UGT1A7: variants seen among roughly 807,000 people sequenced by gnomAD.
UGT1A7 encodes the protein UDP-glucuronosyltransferase 1A7.
UGT1A7 carries 33 observed loss-of-function variants against 45.6 expected under a neutral mutation model. The observed-to-expected ratio is 0.72, with a 90% CI of 0.55 to 0.97. UGT1A7 has a LOEUF of 0.97. Ranked by LOEUF, UGT1A7 falls within the 50% of genes least tolerant of loss-of-function variation. UGT1A7 has a pLI of 0.00. For missense variants in UGT1A7, 684 were observed against 666.2 expected (o/e 1.03, Z -0.29); for synonymous variants, 274 against 250.6 (o/e 1.09, Z -0.88).
chr2:233,760,775 A>G, intron 1 of UGT1A7: 2 of 1,613,738 alleles, frequency 1.2e-6, no homozygotes, highest in Non-Finnish European at 1.7e-6. Context: ...GTGGCCCAGT[A>G]CCTGTCTCTG....
In UGT1A7 at chr2:233,755,308, G is replaced by A. The variant is rs1306203724; in HGVS notation, c.856-11726G>A. The A allele has an allele frequency of 1.8e-5, 10 of 564,374 alleles. No individual in the cohort carries two copies. The Admixed American group carries it at 2.0e-4, about 11-fold the overall frequency. The allele number at this position is 564,374 out of a possible 1,614,324, so 35.0% of individuals were successfully genotyped here. A position where few individuals can be genotyped will look rare whatever the true frequency, so the allele number is the denominator to read the frequency against. On this transcript the variant is annotated intron_variant, in intron 1 of 4. Coordinates refer to ENST00000373426, the MANE Select transcript of UGT1A7 (RefSeq NM_019077.3). ...AGAGCCTGCGGGGCACTGGCACAGCGAGCGGCAAGGCTGCCAGCACCCGCG... is the reference window on the plus strand; with the variant it reads ...AGAGCCTGCGGGGCACTGGCACAGCAAGCGGCAAGGCTGCCAGCACCCGCG...
intron 1 of UGT1A7, chr2:233,750,763 G>T (rs1694554656): frequency 6.6e-6 from 1 of 152,010 alleles, no homozygotes; most frequent in East Asian, 1.9e-4. Context: ...CATCGATGTG[G>T]TGTTGGGCCT....
intron 1 of UGT1A7, chr2:233,719,813 A>C: frequency 6.3e-7 from 1 of 1,586,286 alleles, no homozygotes; most frequent in Non-Finnish European, 8.6e-7. Context: ...TCTTTATAAC[A>C]GATAAACTGT....
In UGT1A7 at chr2:233,681,999, G is replaced by A. The variant is rs2074549266; in HGVS notation, c.62G>A (p.Gly21Asp). 6.2e-7 allele frequency: 1 copy of A among 1,614,050 alleles called. No individual in the cohort carries two copies. The highest frequency in any genetic ancestry group is 8.5e-7 in the Non-Finnish European group (1 of 1,180,020). The stretch of plus-strand genomic sequence containing the variant: ...TATGTGTGTCTACTGCTGACCTGTG[G>A]CTTTGCCAAGGCAGGGAAGCTGCTG... ...PLYVCLLLTC[G>D]FAKAGKLLVV... The change falls in exon 1 of 5, where the codon GGC (glycine) becomes GAC (aspartate). Residue 21 changes from glycine (G) to aspartate (D), a missense_variant. Coordinates refer to ENST00000373426, the MANE Select transcript of UGT1A7 (RefSeq NM_019077.3).
At chr2:233,732,616 A>G (rs1187431518) in intron 1 of UGT1A7, among the ~76,000 whole-genome samples, 2 of 152,194 alleles carry the variant, frequency 1.3e-5, no homozygotes, top group African/African-American at 4.8e-5. Flanking sequence ...AAATGGTTGT[A>G]GATGTGTGGT....
chr2:233,713,411 C>G (rs1475467341), intron 1 of UGT1A7: 6 of 1,614,112 alleles, frequency 3.7e-6, no homozygotes, highest in Non-Finnish European at 5.1e-6. Flanking sequence ...TGATCAGGCA[C>G]CTGCATGCTA....
In UGT1A7 at chr2:233,691,414, C is replaced by T. The variant is rs1302692454; in HGVS notation, c.855+8622C>T. ...GGGCCAGCCCTGTCCTTGGAGTGGCCCCTCTAATCATGTTGCTCAGGCTTC... is the reference window on the plus strand; with the variant it reads ...GGGCCAGCCCTGTCCTTGGAGTGGCTCCTCTAATCATGTTGCTCAGGCTTC... On this transcript the variant is annotated intron_variant, in intron 1 of 4. Transcript: ENST00000373426. The T allele has an allele frequency of 4.1e-6, 4 of 985,422 alleles. No homozygotes were observed. The East Asian group carries it at 4.5e-4, about 112-fold the overall frequency. The allele number at this position is 985,422 out of a possible 1,614,324, so 61.0% of individuals were successfully genotyped here. A position where few individuals can be genotyped will look rare whatever the true frequency, so the allele number is the denominator to read the frequency against.
intron 1 of UGT1A7, among the ~76,000 whole-genome samples, chr2:233,740,072 C>T (rs1243642883): frequency 1.3e-5 from 2 of 151,828 alleles, no homozygotes; most frequent in Admixed American, 1.3e-4. Flanking sequence ...CTTTTCCTCT[C>T]TGTCTCTCGC....
Position 233,768,224 on chromosome 2 carries a change from C to T in UGT1A7, c.1080C>T (p.His360=), listed in dbSNP as rs758090189. The change falls in exon 4 of 5, where the codon CAC becomes CAT. Residue 360 remains histidine (H), a synonymous_variant. Coordinates refer to ENST00000373426, the MANE Select transcript of UGT1A7 (RefSeq NM_019077.3). ...CCTCCCTATTTTGCATCTCAGGTCA[C>T]CCGATGACCCGTGCCTTTATCACCC... ...KWLPQNDLLG[H]PMTRAFITHA... is the part of the protein sequence containing the mutation. 13 of 1,614,174 alleles carry T rather than the reference C, an allele frequency of 8.1e-6. No individual in the cohort carries two copies. The highest frequency in any genetic ancestry group is 1.3e-5 in the African/African-American group (1 of 75,028).
intron 1 of UGT1A7, among the ~76,000 whole-genome samples, chr2:233,688,474 C>G (rs1258940143): frequency 6.6e-6 from 1 of 152,216 alleles, no homozygotes; most frequent in Non-Finnish European, 1.5e-5. Context: ...TGGGAAATGT[C>G]CTATCTCCAT....
At chr2:233,697,618 G>T (rs1039414753) in intron 1 of UGT1A7, among the ~76,000 whole-genome samples, 1 of 150,320 alleles carries the variant, frequency 6.7e-6, no homozygotes, top group Admixed American at 6.6e-5. Context: ...CAAAGTTTGA[G>T]TTTGGTTTAC....
At chr2:233,703,357 C>A (rs1254530363) in intron 1 of UGT1A7, among the ~76,000 whole-genome samples, 1 of 151,876 alleles carries the variant, frequency 6.6e-6, no homozygotes, top group Non-Finnish European at 1.5e-5. Flanking sequence ...GTTAATCTAA[C>A]TTTAGGTTTA....
rs999962124 is a variant in UGT1A7 at position 233,747,799 on chromosome 2, A to G, written c.856-19235A>G. The G allele has an allele frequency of 2.5e-6, 4 of 1,613,352 alleles. No homozygotes were observed. The African/African-American group carries it at 4.0e-5, about 16-fold the overall frequency. ...CCAAATCCTTCCTCCTATATTCCTA[A>G]GTTACTAACGACCAATTCAGACCAC... On this transcript the variant is annotated intron_variant, in intron 1 of 4. Coordinates refer to ENST00000373426, the MANE Select transcript of UGT1A7 (RefSeq NM_019077.3).
chr2:233,761,173 T>C (rs771182197), intron 1 of UGT1A7: 2 of 1,614,246 alleles, frequency 1.2e-6, no homozygotes, highest in South Asian at 2.2e-5. Context: ...AGTGGGACTT[T>C]TACATGCGTA....
intron 1 of UGT1A7, chr2:233,713,523 T>C (rs2076327329): frequency 6.2e-7 from 1 of 1,613,946 alleles, no homozygotes. Flanking sequence ...GAACATTCCA[T>C]GTGATTTAGA....
chr2:233,721,297 G>C (rs770095784), intron 1 of UGT1A7, among the ~76,000 whole-genome samples: 1 of 152,120 alleles, frequency 6.6e-6, no homozygotes, highest in Non-Finnish European at 1.5e-5. Flanking sequence ...GAAGGCATTT[G>C]AATAGTGATT....
intron 1 of UGT1A7, among the ~76,000 whole-genome samples, chr2:233,710,289 G>C (rs2076124208): frequency 6.6e-6 from 1 of 152,208 alleles, no homozygotes; most frequent in African/African-American, 2.4e-5. Flanking sequence ...TTAAAAGTGG[G>C]ATTGTTGGGT....
At chr2:233,692,127 A>G (rs2075080184) in intron 1 of UGT1A7, 1 of 152,198 alleles carries the variant, frequency 6.6e-6, no homozygotes, top group Admixed American at 6.5e-5. Context: ...AATCATGCCT[A>G]CTATGTATGG....
At chr2:233,694,556 T>C (rs975980034) in intron 1 of UGT1A7, among the ~76,000 whole-genome samples, 1 of 152,222 alleles carries the variant, frequency 6.6e-6, no homozygotes, top group African/African-American at 2.4e-5. Flanking sequence ...TAAAAATCTG[T>C]GAGTTTTAAA....
Sources: gnomAD v4.1 joint callset for allele counts (sites outside exome capture counted in the v4.1 genomes callset) on GRCh38, gnomAD v4.1.1 for gene constraint, MANE v1.5 for transcripts, NCBI Gene and HGNC (gene_info 2026-07-23, HGNC 2026-07-21) for gene names.